The following CR1 variants were observed in gnomAD, a reference collection of about 807,000 sequenced individuals.
CR1 encodes the protein complement receptor type 1.
A neutral mutation model predicts 187.3 loss-of-function variants in CR1; 116 were observed. The ratio of observed to expected loss-of-function variants is 0.62; its 90% CI spans 0.53 to 0.72. The LOEUF is 0.72. Among genes scored for constraint, CR1 ranks in the 30% least tolerant of loss-of-function variants. The pLI is 0.00. For missense variants in CR1, 1,731 were observed against 2,110.7 expected, an observed-to-expected ratio of 0.82 and a Z score of 3.52; for synonymous variants, 576 against 747.1, an observed-to-expected ratio of 0.77 and a Z score of 3.73.
chr1:207,635,418 G>A (rs1662782989), intron 46 of CR1, among the ~76,000 whole-genome samples: 1 of 152,148 alleles, frequency 6.6e-6, no homozygotes, highest in East Asian at 1.9e-4. Flanking sequence ...TAACTGCTGT[G>A]CTTTAGATAT....
intron 29 of CR1, 131 bp downstream of exon 29, chr1:207,578,334 C>A: frequency 6.5e-7 from 1 of 1,548,872 alleles, no homozygotes; most frequent in Non-Finnish European, 8.7e-7. Context: ...GGGGAAGAAG[C>A]ATGAAATTAA....
chr1:207,597,082 A>G (rs1346850967), intron 35 of CR1, among the ~76,000 whole-genome samples: 1 of 149,478 alleles, frequency 6.7e-6, no homozygotes, highest in Admixed American at 6.7e-5. Context: ...CATGATATAC[A>G]ATATTTAAAT....
intron 32 of CR1, among the ~76,000 whole-genome samples, chr1:207,584,000 A>T (rs1558247690): frequency 6.6e-6 from 1 of 152,218 alleles, no homozygotes; most frequent in Non-Finnish European, 1.5e-5. Context: ...TTTAATGAAA[A>T]AAATAAATAA....
chr1:207,609,942 C>T (rs1661872911), intron 37 of CR1, among the ~76,000 whole-genome samples: 1 of 152,060 alleles, frequency 6.6e-6, no homozygotes. Flanking sequence ...ATTGGTATCC[C>T]CATTTTACTT....
chr1:207,499,047 G>T lies in CR1; in HGVS notation c.121+2659G>T, dbSNP rs185088167. 1.8e-3 allele frequency among the ~76,000 whole-genome samples: 267 copies of T among 152,122 alleles called. 2 individuals carry two copies. The highest frequency in any genetic ancestry group is 6.0e-3 in the African/African-American group (251 of 41,520). On this transcript the variant is annotated intron_variant, in intron 1 of 46. Coordinates refer to ENST00000367049, the MANE Select transcript of CR1 (RefSeq NM_000651.6). ...ACAATCATTTTGAGTGTCAATGATC[G>T]AAATGCACCATTTGAAACAGATCAT...
intron 45 of CR1, among the ~76,000 whole-genome samples, chr1:207,623,344 G>T (rs1465724506): frequency 1.3e-5 from 2 of 152,148 alleles, no homozygotes; most frequent in Non-Finnish European, 2.9e-5. Context: ...CACTTTGGGA[G>T]GCCAAGGTGG....
At chr1:207,618,623 G>A (rs1416599142) in intron 42 of CR1, among the ~76,000 whole-genome samples, 1 of 152,052 alleles carries the variant, frequency 6.6e-6, no homozygotes, top group African/African-American at 2.4e-5. Flanking sequence ...TTCTTGGTTT[G>A]TATCTAGGAA....
chr1:207,576,363 C>T (rs185246285), intron 28 of CR1, among the ~76,000 whole-genome samples: 22 of 152,244 alleles, frequency 1.4e-4, no homozygotes, highest in African/African-American at 3.6e-4. Context: ...CAAGATCAGA[C>T]GAGATTGGGC....
intron 43 of CR1, 24 bp from the exon 44 acceptor site, chr1:207,621,949 T>A (rs1571609008): frequency 6.3e-7 from 1 of 1,586,410 alleles, no homozygotes; most frequent in East Asian, 2.3e-5. Context: ...GAGTGATGTT[T>A]TGTGACTTTT....
intron 5 of CR1, among the ~76,000 whole-genome samples, chr1:207,526,003 C>A (rs1051054955): frequency 2.0e-5 from 3 of 152,054 alleles, no homozygotes; most frequent in Non-Finnish European, 4.4e-5. Flanking sequence ...TAGTTGAGAT[C>A]CAAATGTGTT....
At chr1:207,505,452 C>T (rs1236638456) in intron 1 of CR1, among the ~76,000 whole-genome samples, 1 of 152,136 alleles carries the variant, frequency 6.6e-6, no homozygotes, top group Admixed American at 6.5e-5. Context: ...GCATGAGCCA[C>T]CACTCCTGCA....
At chr1:207,610,447 C>T (rs933217772) in intron 37 of CR1, among the ~76,000 whole-genome samples, 7 of 152,116 alleles carry the variant, frequency 4.6e-5, no homozygotes, top group Non-Finnish European at 8.8e-5. Flanking sequence ...AGACCTCTGC[C>T]TCAGTCTCAC....
chr1:207,613,450 G>A (rs1661999009), intron 39 of CR1, among the ~76,000 whole-genome samples: 1 of 152,154 alleles, frequency 6.6e-6, no homozygotes, highest in Admixed American at 6.5e-5. Flanking sequence ...TCAATCAGAG[G>A]AAAGCACACC....
rs1353446182 is a variant in CR1, at chr1:207,611,696, A to T, written c.6315A>T (p.Glu2105Asp). Residue 2105 changes from glutamate to aspartate, a missense_variant, in exon 38 of 47, where the codon GAA becomes GAT. Glu to Asp is a conservative substitution (Grantham distance 45, BLOSUM62 2). This residue lies in a region of CR1 where 1,312 missense variants were observed against 1,379.6 expected (regional missense o/e 0.95). Transcript: ENST00000367049. ...HCSRVCQPPPEILHGEHTLSH... is the reference protein window; with the variant it reads ...HCSRVCQPPPDILHGEHTLSH... ...CCACAGTGTGTCAGCCGCCTCCAGA[A>T]ATCCTGCATGGTGAGCATACCCTAA... 2 of 1,613,746 alleles carry T rather than the reference A, an allele frequency of 1.2e-6. No homozygotes were observed. The highest frequency in any genetic ancestry group is 3.3e-5 in the Admixed American group (2 of 59,984).
At chr1:207,501,642 A>C (rs1659273193) in intron 1 of CR1, among the ~76,000 whole-genome samples, 1 of 152,194 alleles carries the variant, frequency 6.6e-6, no homozygotes, top group African/African-American at 2.4e-5. Context: ...AGGTAAGAAT[A>C]TTATGTAATT....
intron 32 of CR1, among the ~76,000 whole-genome samples, chr1:207,582,651 G>GAGA (rs1366630550): frequency 6.6e-6 from 1 of 152,208 alleles, no homozygotes; most frequent in East Asian, 1.9e-4. Flanking sequence ...AAAATGGGAG[G>GAGA]CTGTTGCAGC....
At position 207,496,399 on chromosome 1, in the gene CR1, G is replaced by T. The variant is rs770765679; in HGVS notation, c.121+11G>T. 3.1e-5 allele frequency: 50 copies of T among 1,602,226 alleles called. No homozygotes were observed. The highest frequency in any genetic ancestry group is 4.3e-5 in the Non-Finnish European group (50 of 1,175,118). On this transcript the variant is annotated intron_variant, in intron 1 of 46. Transcript: ENST00000367049. ...TGCCGGTGGCCTGGGGTGAGAGGCG[G>T]GCGGGCGTGGGGAGGCGCCCGGGCG... is the stretch of plus-strand genomic sequence containing the variant.
chr1:207,506,850 C>G, intron 3 of CR1, 37 bp downstream of exon 3: 1 of 1,536,458 alleles, frequency 6.5e-7, no homozygotes. Flanking sequence ...TCTCTTGGTT[C>G]AAGAGTTCTA....
intron 45 of CR1, among the ~76,000 whole-genome samples, chr1:207,628,465 A>T (rs570146723): frequency 6.6e-6 from 1 of 152,342 alleles, no homozygotes; most frequent in South Asian, 2.1e-4. Context: ...ACCATTTATT[A>T]TCTTCTTTGG....
Sources: allele counts gnomAD v4.1 joint callset (sites outside exome capture counted in the v4.1 genomes callset), GRCh38; gene constraint gnomAD v4.1.1; regional missense constraint gnomAD v4.1.1; transcripts MANE v1.5; gene names NCBI Gene and HGNC (gene_info 2026-07-23, HGNC 2026-07-21).